SASS6: variants seen among roughly 807,000 people sequenced by gnomAD.
SASS6 encodes the protein spindle assembly abnormal protein 6 homolog.
A neutral mutation model predicts 94.9 loss-of-function variants in SASS6; 59 were observed. That is an observed-to-expected ratio of 0.62 (90% CI 0.50 to 0.77). The LOEUF (loss-of-function observed/expected upper bound fraction) is 0.77, where lower values mean the gene tolerates loss of function less well. SASS6 is among the 30% of genes least tolerant of loss of function. The probability of loss-of-function intolerance (pLI) is 0.00; values close to 1 mark genes in which losing one functional copy is unlikely to be tolerated. For missense variants in SASS6, 698 were observed against 734.1 expected, an observed-to-expected ratio of 0.95 and a Z score of 0.57; for synonymous variants, 264 against 270.0, an observed-to-expected ratio of 0.98 and a Z score of 0.22.
intron 4 of SASS6, among the ~76,000 whole-genome samples, chr1:100,122,006 C>A (rs765182658): frequency 1.2e-4 from 18 of 152,128 alleles, no homozygotes; most frequent in Non-Finnish European, 2.2e-4. Context: ...GATTCAACAA[C>A]AATCGTCAAC....
intron 16 of SASS6, 47 bp downstream of exon 16, chr1:100,085,489 A>C (rs1171395380): frequency 6.4e-6 from 10 of 1,566,678 alleles, no homozygotes; most frequent in Non-Finnish European, 7.9e-6. Flanking sequence ...TCATACATTA[A>C]ATTTAATTCA....
intron 7 of SASS6, among the ~76,000 whole-genome samples, chr1:100,114,204 A>G (rs1653615470): frequency 6.6e-6 from 1 of 152,188 alleles, no homozygotes; most frequent in African/African-American, 2.4e-5. Context: ...CAGGCCCTCA[A>G]GGTACAGATT....
chr1:100,112,483 T>C (rs1653422652), intron 7 of SASS6, among the ~76,000 whole-genome samples: 1 of 152,056 alleles, frequency 6.6e-6, no homozygotes, highest in African/African-American at 2.4e-5. Flanking sequence ...TTTTTTTAAA[T>C]GGAGGTATAA....
rs976534490 is a variant in SASS6 at position 100,085,182 on chromosome 1, C to T, written c.*146G>A. On this transcript the variant is annotated 3_prime_UTR_variant, in exon 17 of 17. Transcript: ENST00000287482. Reference sequence around the variant, plus strand: ...AATTTGTTCCTATATTATAAACTGCCATAAAAGCAGTACTTAAAGTATCCA... The same window carrying T: ...AATTTGTTCCTATATTATAAACTGCTATAAAAGCAGTACTTAAAGTATCCA... 1.6e-5 allele frequency: 10 copies of T among 620,164 alleles called. No individual in the cohort carries two copies. Among genetic ancestry groups the T allele is most frequent in the African/African-American group, 1.5e-4 (8 of 54,844 alleles). The allele number at this position is 620,164 out of a possible 1,614,324, so 38.4% of individuals were successfully genotyped here.
intron 14 of SASS6, among the ~76,000 whole-genome samples, chr1:100,094,298 T>A (rs1310549925): frequency 6.6e-6 from 1 of 151,846 alleles, no homozygotes; most frequent in Admixed American, 6.6e-5. Flanking sequence ...TTGAAAAAAA[T>A]TAATTCACAG....
At position 100,084,110 on chromosome 1, in the gene SASS6, C is replaced by T. The variant is rs763201083; in HGVS notation, c.*1218G>A. The stretch of plus-strand genomic sequence containing the variant: ...TAGATCCCTAGTTTAAAGACACTTG[C>T]AATTGCCAATAGTTTCAAGATACTG... On this transcript the variant is annotated 3_prime_UTR_variant, in exon 17 of 17. Transcript: ENST00000287482. 1 of 147,534 alleles carries T rather than the reference C, an allele frequency of 6.8e-6. No individual in the cohort carries two copies. Among genetic ancestry groups the T allele is most frequent in the Non-Finnish European group, 1.5e-5 (1 of 66,986 alleles). 9.1% of individuals were successfully genotyped at this position (147,534 alleles called of 1,614,324 possible).
At position 100,084,018 on chromosome 1, in the gene SASS6, T is replaced by C. The variant is rs973669387; in HGVS notation, c.*1310A>G. On this transcript the variant is annotated 3_prime_UTR_variant, in exon 17 of 17. Coordinates refer to ENST00000287482, the MANE Select transcript of SASS6 (RefSeq NM_194292.3). Reference sequence around the variant, plus strand: ...GTACCAAGTATTCTCACTAATACAGTAGTGTATCTAAATGGGGGAGGTGGG... The same window carrying C: ...GTACCAAGTATTCTCACTAATACAGCAGTGTATCTAAATGGGGGAGGTGGG... 2 of 151,920 alleles carry C rather than the reference T, an allele frequency of 1.3e-5. No homozygotes were observed. Among genetic ancestry groups the C allele is most frequent in the African/African-American group, 2.4e-5 (1 of 41,412 alleles). The allele number at this position is 151,920 out of a possible 1,614,324, so 9.4% of individuals were successfully genotyped here.
intron 14 of SASS6, among the ~76,000 whole-genome samples, chr1:100,089,936 A>G (rs1651562175): frequency 6.6e-6 from 1 of 152,078 alleles, no homozygotes; most frequent in African/African-American, 2.4e-5. Context: ...CAAAGATACA[A>G]GTAAAATTTT....
chr1:100,120,259 G>A (rs1348459685), intron 6 of SASS6, 135 bp downstream of exon 6: 1 of 590,978 alleles, frequency 1.7e-6, no homozygotes, highest in Non-Finnish European at 3.1e-6. Flanking sequence ...GTAGTTGAAG[G>A]GTGGCAAAGA....
chr1:100,130,037 C>A (rs182999206), intron 1 of SASS6, among the ~76,000 whole-genome samples: 4 of 152,224 alleles, frequency 2.6e-5, no homozygotes, highest in Admixed American at 1.3e-4. Flanking sequence ...TCTCATAATA[C>A]CATGAAGTAG....
chr1:100,106,018 C>T (rs1652873263), intron 12 of SASS6, 115 bp from the exon 13 acceptor site: 1 of 687,232 alleles, frequency 1.5e-6, no homozygotes, highest in Non-Finnish European at 2.2e-6. Flanking sequence ...TTACAACTAC[C>T]TGACATCACA....
chr1:100,088,362 T>C lies in SASS6; in HGVS notation c.1675-126A>G, dbSNP rs1295629973. On this transcript the variant is annotated intron_variant, in intron 14 of 16. Coordinates refer to ENST00000287482, the MANE Select transcript of SASS6 (RefSeq NM_194292.3). ...CTGGAGTAAAGTGGCATAATCACGG[T>C]TCACTGCAGTCCCAATCTCCTGGGC... The C allele has an allele frequency of 1.4e-5, 8 of 553,380 alleles. No homozygotes were observed. The Admixed American group carries it at 2.1e-4, about 15-fold the overall frequency. 34.3% of individuals were successfully genotyped at this position (553,380 alleles called of 1,614,324 possible).
At chr1:100,101,415 T>C (rs915131718) in intron 14 of SASS6, among the ~76,000 whole-genome samples, 53 of 151,998 alleles carry the variant, frequency 3.5e-4, no homozygotes, top group African/African-American at 1.3e-3. Context: ...GTCTTGCTCC[T>C]GTATTTAAGA....
intron 2 of SASS6, among the ~76,000 whole-genome samples, chr1:100,124,201 C>T (rs482873): frequency 0.78 from 118,060 of 152,114 alleles, 47,446 homozygotes; most frequent in East Asian, 0.94. Context: ...CATCTCTACT[C>T]TGGAAAATTA....
intron 14 of SASS6, among the ~76,000 whole-genome samples, chr1:100,091,599 C>T (rs1252248775): frequency 8.2e-6 from 1 of 122,160 alleles, no homozygotes; most frequent in East Asian, 2.3e-4. Flanking sequence ...GCTCTAATAA[C>T]ACTGTTCAAA....
At chr1:100,121,004 C>A (rs1654153025) in intron 5 of SASS6, among the ~76,000 whole-genome samples, 1 of 148,896 alleles carries the variant, frequency 6.7e-6, no homozygotes. Flanking sequence ...GAGCCGAGAT[C>A]CCGCCACTGC....
chr1:100,121,819 C>G (rs1208036754), intron 4 of SASS6, among the ~76,000 whole-genome samples: 1 of 152,152 alleles, frequency 6.6e-6, no homozygotes, highest in Non-Finnish European at 1.5e-5. Context: ...ACTACCAGCT[C>G]TTTACTCTAA....
At chr1:100,087,766 G>A (rs1651414757) in intron 15 of SASS6, among the ~76,000 whole-genome samples, 1 of 152,098 alleles carries the variant, frequency 6.6e-6, no homozygotes, top group Non-Finnish European at 1.5e-5. Context: ...TCCAGGGACA[G>A]ACATAGCCAT....
intron 12 of SASS6, 47 bp from the exon 13 acceptor site, chr1:100,105,950 T>C: frequency 7.8e-7 from 1 of 1,286,486 alleles, no homozygotes. Flanking sequence ...TGACTGTTTA[T>C]TTTTCTAATC....
Sources: gnomAD v4.1 joint callset for allele counts (sites outside exome capture counted in the v4.1 genomes callset) on GRCh38, gnomAD v4.1.1 for gene constraint, MANE v1.5 for transcripts, NCBI Gene and HGNC (gene_info 2026-07-23, HGNC 2026-07-21) for gene names.